The following DHRS3 variants were observed in gnomAD, a reference collection of about 807,000 sequenced individuals.
The protein encoded by DHRS3 is short-chain dehydrogenase/reductase 3.
A neutral mutation model predicts 27.2 loss-of-function variants in DHRS3; 14 were observed. That is an observed-to-expected ratio of 0.52 (90% confidence interval 0.34 to 0.81). The LOEUF (loss-of-function observed/expected upper bound fraction) is 0.81. Ranked by LOEUF, DHRS3 falls within the 30% of genes least tolerant of loss-of-function variation. DHRS3 has a pLI of 0.01. For synonymous variants in DHRS3, 165 were observed against 175.9 expected, an observed-to-expected ratio of 0.94 and a Z score of 0.49; for missense variants, 322 against 406.2, an observed-to-expected ratio of 0.79 and a Z score of 1.78.
At chr1:12,595,678 G>C (rs1219475968) in intron 1 of DHRS3, among the ~76,000 whole-genome samples, 1 of 151,616 alleles carries the variant, frequency 6.6e-6, no homozygotes, top group African/African-American at 2.4e-5. Context: ...GTCCTGGGCC[G>C]GGCGGCGAAG....
intron 1 of DHRS3, chr1:12,600,327 C>T: frequency 2.0e-6 from 2 of 985,190 alleles, no homozygotes; most frequent in Non-Finnish European, 2.4e-6. Context: ...GGTGTGAGCC[C>T]TCGGAGGGCA....
chr1:12,580,293 C>G (rs866927654), intron 2 of DHRS3: 35 of 568,052 alleles, frequency 6.2e-5, no homozygotes, highest in Non-Finnish European at 1.0e-4. Flanking sequence ...GAAACCCACA[C>G]GGTCTACATT....
At chr1:12,577,142 A>C (rs1325167550) in intron 4 of DHRS3, among the ~76,000 whole-genome samples, 1 of 152,072 alleles carries the variant, frequency 6.6e-6, no homozygotes, top group Non-Finnish European at 1.5e-5. Flanking sequence ...ATATAATCAG[A>C]AGGTGAAGCA....
At chr1:12,615,063 G>T (rs2100731468) in intron 1 of DHRS3, among the ~76,000 whole-genome samples, 1 of 152,206 alleles carries the variant, frequency 6.6e-6, no homozygotes, top group Admixed American at 6.5e-5. Context: ...GGCTCTGGGG[G>T]TTTGTCCCAA....
intron 1 of DHRS3, among the ~76,000 whole-genome samples, chr1:12,607,350 C>T (rs1646878441): frequency 6.6e-6 from 1 of 152,126 alleles, no homozygotes; most frequent in Admixed American, 6.5e-5. Flanking sequence ...CCCCATAATC[C>T]CCATCTGCCA....
intron 4 of DHRS3, among the ~76,000 whole-genome samples, chr1:12,575,690 G>C (rs1646579643): frequency 6.6e-6 from 1 of 151,380 alleles, no homozygotes; most frequent in South Asian, 2.1e-4. Flanking sequence ...CATGAAAAGG[G>C]GATACTATTA....
intron 1 of DHRS3, among the ~76,000 whole-genome samples, chr1:12,605,590 G>A (rs890942066): frequency 6.6e-6 from 1 of 152,024 alleles, no homozygotes; most frequent in Non-Finnish European, 1.5e-5. Flanking sequence ...TGCGTATTAC[G>A]AAAAAACTAG....
chr1:12,617,313 G>A lies in DHRS3; in HGVS notation c.36C>T (p.Phe12=), dbSNP rs958866055. Residue 12 remains phenylalanine, a synonymous_variant, in exon 1 of 6, where the codon TTC becomes TTT. Coordinates refer to ENST00000616661, the MANE Select transcript of DHRS3 (RefSeq NM_004753.7). ...VWKRLGALVM[F]PLQMIYLVVK... The stretch of plus-strand genomic sequence containing the variant: ...CCACCAGATAGATCATCTGTAGAGG[G>A]AACATCACCAGCGCGCCCAGCCGTT... 8.1e-6 allele frequency: 13 copies of A among 1,607,792 alleles called. No homozygotes were observed. Among genetic ancestry groups the A allele is most frequent in the Non-Finnish European group, 1.1e-5 (13 of 1,175,264 alleles).
At chr1:12,600,332 A>G in intron 1 of DHRS3, 3 of 984,904 alleles carry the variant, frequency 3.0e-6, no homozygotes, top group Non-Finnish European at 3.6e-6. Context: ...GAGCCCTCGG[A>G]GGGCACCATG....
chr1:12,607,111 G>A (rs774136470), intron 1 of DHRS3, among the ~76,000 whole-genome samples: 5 of 152,188 alleles, frequency 3.3e-5, no homozygotes, highest in Non-Finnish European at 7.3e-5. Context: ...AAACACCCAG[G>A]AAAGCCTCAC....
intron 1 of DHRS3, among the ~76,000 whole-genome samples, chr1:12,585,023 G>A (rs1370413076): frequency 6.6e-6 from 1 of 151,598 alleles, no homozygotes; most frequent in Non-Finnish European, 1.5e-5. Context: ...CTCTGTGTGT[G>A]TGTGTGTCTC....
intron 5 of DHRS3, 109 bp downstream of exon 5, chr1:12,572,619 C>T: frequency 6.6e-7 from 1 of 1,504,412 alleles, no homozygotes; most frequent in Non-Finnish European, 9.0e-7. Flanking sequence ...TACAGTACAT[C>T]AGCAGCAAAT....
intron 1 of DHRS3, among the ~76,000 whole-genome samples, chr1:12,585,303 ATG>A (rs1329680185): frequency 9.3e-5 from 11 of 117,672 alleles, no homozygotes; most frequent in Middle Eastern, 0.011. Flanking sequence ...ATGTGAGTGT[ATG>A]TGTCTGTGTG....
At chr1:12,615,032 A>C (rs3128463) in intron 1 of DHRS3, among the ~76,000 whole-genome samples, 6 of 151,956 alleles carry the variant, frequency 3.9e-5, no homozygotes, top group Non-Finnish European at 7.4e-5. Context: ...TCCCAACCCC[A>C]CTAGGCCTCA....
intron 5 of DHRS3, among the ~76,000 whole-genome samples, chr1:12,572,462 G>A (rs753241757): frequency 1.3e-5 from 2 of 152,298 alleles, no homozygotes; most frequent in Non-Finnish European, 1.5e-5. Flanking sequence ...GAGCCACTGC[G>A]CCTGGCCCTG....
At chr1:12,584,230 C>T (rs900964014) in intron 1 of DHRS3, among the ~76,000 whole-genome samples, 8 of 152,106 alleles carry the variant, frequency 5.3e-5, no homozygotes, top group East Asian at 3.9e-4. Context: ...TTCAGATGTC[C>T]GTGGAGACAA....
chr1:12,610,805 A>G (rs1646904572), intron 1 of DHRS3, among the ~76,000 whole-genome samples: 1 of 152,122 alleles, frequency 6.6e-6, no homozygotes, highest in Non-Finnish European at 1.5e-5. Flanking sequence ...TATCTTATGG[A>G]CTTATATTTT....
intron 4 of DHRS3, among the ~76,000 whole-genome samples, chr1:12,575,252 G>A (rs1360409151): frequency 1.3e-5 from 2 of 152,064 alleles, no homozygotes; most frequent in South Asian, 2.1e-4. Flanking sequence ...GCTTGAACCT[G>A]GGAGGCGGAG....
chr1:12,606,890 TG>T (rs1646875812), intron 1 of DHRS3, among the ~76,000 whole-genome samples: 2 of 152,224 alleles, frequency 1.3e-5, no homozygotes, highest in African/African-American at 4.8e-5. Flanking sequence ...ACTACAATCC[TG>T]AAGACAAAGC....
Sources: allele counts gnomAD v4.1 joint callset (sites outside exome capture counted in the v4.1 genomes callset), GRCh38; gene constraint gnomAD v4.1.1; transcripts MANE v1.5; gene names NCBI Gene and HGNC (gene_info 2026-07-23, HGNC 2026-07-21).